The following MTNR1B variants were observed in gnomAD, a reference collection of about 807,000 sequenced individuals.
The protein encoded by MTNR1B is melatonin receptor type 1B.
MTNR1B carries 7 observed loss-of-function variants against 7.0 expected under a neutral mutation model. The ratio of observed to expected loss-of-function variants is 1.00; its 90% CI spans 0.57 to 1.88. The LOEUF (loss-of-function observed/expected upper bound fraction) is 1.88. Ranked by LOEUF, MTNR1B falls within the 40% of genes most tolerant of loss-of-function variation. The pLI, the probability that MTNR1B is intolerant of heterozygous loss-of-function variation, is 0.00. For synonymous variants in MTNR1B, 226 were observed against 208.2 expected, an observed-to-expected ratio of 1.09 and a Z score of -0.74; for missense variants, 478 against 486.5, an observed-to-expected ratio of 0.98 and a Z score of 0.16.
intron 1 of MTNR1B, among the ~76,000 whole-genome samples, chr11:92,978,500 C>G: frequency 6.6e-6 from 1 of 152,210 alleles, no homozygotes; most frequent in East Asian, 1.9e-4. Flanking sequence ...GACTGCAGTG[C>G]TGTGTGCATA....
intron 1 of MTNR1B, among the ~76,000 whole-genome samples, chr11:92,977,138 T>TAA (rs1470936246): frequency 1.3e-5 from 2 of 152,244 alleles, no homozygotes; most frequent in Non-Finnish European, 2.9e-5. Flanking sequence ...TTTCTTCTTT[T>TAA]AAGTGGTTGA....
downstream of MTNR1B, chr11:92,984,932 C>G: frequency 2.2e-6 from 1 of 456,148 alleles, no homozygotes; most frequent in Non-Finnish European, 4.4e-6. Context: ...AATAAAAATG[C>G]TTTTGCGGAA....
In MTNR1B at chr11:92,981,612, A is replaced by G. The variant is rs112000305; in HGVS notation, c.389A>G (p.Asn130Ser). ...MGLSVIGSVFNITAIAINRYC... is the reference protein window; with the variant it reads ...MGLSVIGSVFSITAIAINRYC... ...CTGAGCGTCATCGGCTCTGTCTTCA[A>G]TATCACTGCCATCGCCATTAACCGC... Residue 130 changes from asparagine to serine, a missense_variant, in exon 2 of 2, where the codon AAT (asparagine) becomes AGT (serine). Coordinates refer to ENST00000257068, the MANE Select transcript of MTNR1B (RefSeq NM_005959.5). The G allele has an allele frequency of 1.1e-4, 174 of 1,614,146 alleles. 1 individual carries two copies. The African/African-American group carries it at 2.2e-3, about 20-fold the overall frequency.
At chr11:92,979,935 C>A (rs1031977085) in intron 1 of MTNR1B, among the ~76,000 whole-genome samples, 1 of 152,188 alleles carries the variant, frequency 6.6e-6, no homozygotes, top group Non-Finnish European at 1.5e-5. Flanking sequence ...GGTGTGCCAT[C>A]TACTTCACTT....
intron 1 of MTNR1B, among the ~76,000 whole-genome samples, chr11:92,981,162 C>A (rs1239126068): frequency 6.6e-6 from 1 of 152,196 alleles, no homozygotes; most frequent in African/African-American, 2.4e-5. Context: ...CCTGTTAAAT[C>A]CCTGAGCACT....
intron 1 of MTNR1B, among the ~76,000 whole-genome samples, chr11:92,980,638 T>A (rs1237451349): frequency 6.6e-6 from 1 of 152,184 alleles, no homozygotes; most frequent in African/African-American, 2.4e-5. Flanking sequence ...TAAGGCTCCA[T>A]TCAAAGGATA....
downstream of MTNR1B, among the ~76,000 whole-genome samples, chr11:92,984,468 T>TCTTTGAGCTG (rs67565368): frequency 4.3e-5 from 1 of 23,524 alleles, no homozygotes; most frequent in African/African-American, 2.6e-4. Flanking sequence ...CTAAGGATTC[T>TCTTTGAGCTG]CAGCCACTTT....
chr11:92,980,552 T>C (rs1858086385), intron 1 of MTNR1B, among the ~76,000 whole-genome samples: 1 of 152,232 alleles, frequency 6.6e-6, no homozygotes, highest in Admixed American at 6.5e-5. Context: ...GCTTAGAACA[T>C]GCCTGAAGCA....
chr11:92,973,481 C>T (rs539580602), intron 1 of MTNR1B, among the ~76,000 whole-genome samples: 1 of 152,306 alleles, frequency 6.6e-6, no homozygotes, highest in Non-Finnish European at 1.5e-5. Context: ...AACTTACAGC[C>T]TCATTGCCCT....
At chr11:92,979,508 T>C (rs1343199757) in intron 1 of MTNR1B, among the ~76,000 whole-genome samples, 1 of 152,192 alleles carries the variant, frequency 6.6e-6, no homozygotes, top group Non-Finnish European at 1.5e-5. Context: ...CTGTGAATAG[T>C]AGAGTAGGTA....
chr11:92,970,184 T>A (rs760940735), intron 1 of MTNR1B, among the ~76,000 whole-genome samples: 31 of 152,312 alleles, frequency 2.0e-4, no homozygotes, highest in Middle Eastern at 3.4e-3. Flanking sequence ...CGGAAAGTTT[T>A]ACTGGCGCGC....
In MTNR1B at chr11:92,982,234, C is replaced by T. The variant is rs1858123694; in HGVS notation, c.1011C>T (p.Ser337=). ...WNPRHCIQDA[S]KGSHAEGLQS... ...CACGGCACTGCATTCAAGATGCTTC[C>T]AAGGGCAGCCACGCGGAGGGGCTGC... The change falls in exon 2 of 2, where the codon TCC becomes TCT. Residue 337 remains serine (S), a synonymous_variant. Transcript: ENST00000257068. 6.2e-7 allele frequency: 1 copy of T among 1,614,204 alleles called. No homozygotes were observed. The highest frequency in any genetic ancestry group is 2.2e-5 in the East Asian group (1 of 44,878).
intron 1 of MTNR1B, among the ~76,000 whole-genome samples, chr11:92,980,562 A>T (rs1039040022): frequency 2.1e-4 from 32 of 152,196 alleles, no homozygotes; most frequent in Admixed American, 1.0e-3. Flanking sequence ...TGCCTGAAGC[A>T]TATTAATTGA....
chr11:92,983,171 G>A (rs147122664), downstream of MTNR1B, among the ~76,000 whole-genome samples: 39 of 152,262 alleles, frequency 2.6e-4, no homozygotes, highest in African/African-American at 8.7e-4. Flanking sequence ...TGAGGACAGT[G>A]CCTGACATGT....
chr11:92,982,309 C>G lies in MTNR1B; in HGVS notation c.1086C>G (p.Leu362=). 1 of 1,608,514 alleles carries G rather than the reference C, an allele frequency of 6.2e-7. No homozygotes were observed. Among genetic ancestry groups the G allele is most frequent in the African/African-American group, 1.3e-5 (1 of 74,660 alleles). Reference sequence around the variant, plus strand: ...GTGTGCAGCACCAGGCAGATGCTCTCTAGCCTGGATCTGAGGCACACCAGC... The same window carrying G: ...GTGTGCAGCACCAGGCAGATGCTCTGTAGCCTGGATCTGAGGCACACCAGC... The part of the protein sequence containing the change: ...IIGVQHQADA[L] The change falls in exon 2 of 2, where the codon CTC becomes CTG. Residue 362 remains leucine (L), a synonymous_variant. Coordinates refer to ENST00000257068, the MANE Select transcript of MTNR1B (RefSeq NM_005959.5).
At position 92,981,969 on chromosome 11, in the gene MTNR1B, G is replaced by T; in HGVS notation, c.746G>T (p.Ser249Ile). 1 of 1,614,246 alleles carries T rather than the reference G, an allele frequency of 6.2e-7. No individual in the cohort carries two copies. The highest frequency in any genetic ancestry group is 8.5e-7 in the Non-Finnish European group (1 of 1,180,044). Residue 249 changes from serine to isoleucine, a missense_variant, in exon 2 of 2, where the codon AGC becomes ATC. Ser to Ile is a moderately radical substitution (Grantham distance 142). Coordinates refer to ENST00000257068, the MANE Select transcript of MTNR1B (RefSeq NM_005959.5). ...RLCLKPSDLR[S>I]FLTMFVVFVI... ...TGCCTGAAGCCCAGCGACTTGCGGA[G>T]CTTTCTAACCATGTTTGTGGTGTTT...
At position 92,982,332 on chromosome 11, in the gene MTNR1B, A is replaced by G; in HGVS notation, c.*20A>G. 2 of 1,596,390 alleles carry G rather than the reference A, an allele frequency of 1.3e-6. No individual in the cohort carries two copies. The highest frequency in any genetic ancestry group is 1.3e-5 in the African/African-American group (1 of 74,116). On this transcript the variant is annotated 3_prime_UTR_variant, in exon 2 of 2. Transcript: ENST00000257068. Reference sequence around the variant, plus strand: ...CTCTAGCCTGGATCTGAGGCACACCAGCAGCATGACAAACTCATGAAATGG... The same window carrying G: ...CTCTAGCCTGGATCTGAGGCACACCGGCAGCATGACAAACTCATGAAATGG...
chr11:92,979,242 A>T (rs1197275222), intron 1 of MTNR1B, among the ~76,000 whole-genome samples: 3 of 152,200 alleles, frequency 2.0e-5, no homozygotes, highest in African/African-American at 7.2e-5. Flanking sequence ...AATTCTCAGG[A>T]GACAAGGGTT....
chr11:92,973,916 TCA>T (rs1473768243), intron 1 of MTNR1B, among the ~76,000 whole-genome samples: 1 of 152,230 alleles, frequency 6.6e-6, no homozygotes, highest in African/African-American at 2.4e-5. Flanking sequence ...GGGATAGACC[TCA>T]GTTACAGTAC....
Sources: gnomAD v4.1 joint callset for allele counts (sites outside exome capture counted in the v4.1 genomes callset) on GRCh38, gnomAD v4.1.1 for gene constraint, MANE v1.5 for transcripts, NCBI Gene and HGNC (gene_info 2026-07-23, HGNC 2026-07-21) for gene names.